Variants in THSD4 observed in about 807,000 individuals in gnomAD.
THSD4 encodes the protein thrombospondin type-1 domain-containing protein 4.
Under a neutral mutation model 119.0 loss-of-function variants are expected in THSD4, and 69 were observed. That is an observed-to-expected ratio of 0.58 (90% CI 0.48 to 0.71). The LOEUF (loss-of-function observed/expected upper bound fraction) is 0.71, where lower values mean the gene tolerates loss of function less well. THSD4 is among the 30% of genes least tolerant of loss of function. The pLI is 0.00. For synonymous variants in THSD4, 524 were observed against 540.4 expected (o/e 0.97, Z 0.42); for missense variants, 1,393 against 1,391.1 (o/e 1.00, Z -0.02).
At chr15:71,556,191 A>G (rs1156620013) in intron 7 of THSD4, among the ~76,000 whole-genome samples, 1 of 152,178 alleles carries the variant, frequency 6.6e-6, no homozygotes, top group East Asian at 1.9e-4. Context: ...AAGAATTTTT[A>G]TCAGTATTGT....
At chr15:71,567,985 C>G (rs1567041050) in intron 7 of THSD4, among the ~76,000 whole-genome samples, 1 of 152,178 alleles carries the variant, frequency 6.6e-6, no homozygotes, top group African/African-American at 2.4e-5. Context: ...CCTTCTGCCT[C>G]TCTTTCTTTG....
At chr15:71,688,872 C>T (rs1423195683) in intron 8 of THSD4, among the ~76,000 whole-genome samples, 1 of 151,978 alleles carries the variant, frequency 6.6e-6, no homozygotes, top group Admixed American at 6.5e-5. Context: ...CAATTATTTG[C>T]TTACTTTGAC....
chr15:71,269,342 C>G (rs1177111758), intron 6 of THSD4, among the ~76,000 whole-genome samples: 1 of 152,148 alleles, frequency 6.6e-6, no homozygotes, highest in African/African-American at 2.4e-5. Flanking sequence ...GAACCAATGA[C>G]AAAAACCACA....
intron 8 of THSD4, among the ~76,000 whole-genome samples, chr15:71,688,707 CTGTGTGTGTGTGTGTG>C (rs55653630): frequency 2.2e-5 from 3 of 133,486 alleles, no homozygotes; most frequent in African/African-American, 5.8e-5. Flanking sequence ...TTTTGTATCT[CTGTGTGTGTGTGTGTG>C]TGTGTGTGTG....
At chr15:71,618,823 C>T (rs1210434122) in intron 7 of THSD4, among the ~76,000 whole-genome samples, 2 of 152,050 alleles carry the variant, frequency 1.3e-5, no homozygotes, top group Non-Finnish European at 2.9e-5. Flanking sequence ...AGCGATCCGC[C>T]TGCCTCAGCC....
At chr15:71,232,100 T>G (rs906188373) in intron 4 of THSD4, among the ~76,000 whole-genome samples, 1 of 152,082 alleles carries the variant, frequency 6.6e-6, no homozygotes, top group Non-Finnish European at 1.5e-5. Context: ...ACGTTTCTGG[T>G]CCTCAGCTGC....
At chr15:71,272,045 G>C (rs1161919491) in intron 6 of THSD4, among the ~76,000 whole-genome samples, 2 of 152,092 alleles carry the variant, frequency 1.3e-5, no homozygotes, top group Non-Finnish European at 2.9e-5. Flanking sequence ...CGTCAGATCA[G>C]GGGCTCAAAT....
intron 1 of THSD4, among the ~76,000 whole-genome samples, chr15:71,133,237 T>C (rs1259228346): frequency 7.2e-5 from 11 of 152,140 alleles, no homozygotes; most frequent in Admixed American, 7.2e-4. Context: ...TGTTTATTTG[T>C]GTGTTGTGGT....
chr15:71,409,358 C>A (rs868199810), intron 6 of THSD4, among the ~76,000 whole-genome samples: 2 of 152,076 alleles, frequency 1.3e-5, no homozygotes, highest in Admixed American at 1.3e-4. Context: ...ATAGTTCTAG[C>A]GCTTCAGAAA....
intron 4 of THSD4, among the ~76,000 whole-genome samples, chr15:71,239,466 C>G (rs926722865): frequency 6.6e-6 from 1 of 152,130 alleles, no homozygotes; most frequent in African/African-American, 2.4e-5. Flanking sequence ...GATTCAAACC[C>G]CAGAAAGCTG....
intron 6 of THSD4, among the ~76,000 whole-genome samples, chr15:71,357,601 C>T (rs1306526789): frequency 6.6e-6 from 1 of 152,176 alleles, no homozygotes; most frequent in Admixed American, 6.5e-5. Context: ...TCCTGGCTCT[C>T]CCGCCTGCAG....
intron 14 of THSD4, among the ~76,000 whole-genome samples, chr15:71,749,872 G>T (rs1567135169): frequency 1.3e-5 from 2 of 151,820 alleles, no homozygotes; most frequent in African/African-American, 4.8e-5. Context: ...ACGTAGGTGG[G>T]ACTATAGGTG....
At chr15:71,391,330 C>T (rs2046376422) in intron 6 of THSD4, among the ~76,000 whole-genome samples, 1 of 151,962 alleles carries the variant, frequency 6.6e-6, no homozygotes, top group Non-Finnish European at 1.5e-5. Context: ...CGCCTGGCAA[C>T]TCATGCCGGC....
At position 71,703,254 on chromosome 15, in the gene THSD4, C is replaced by G. The variant is rs532236772; in HGVS notation, c.1358-25295C>G. Among the ~76,000 whole-genome samples, 19 of 152,302 alleles carry G rather than the reference C, an allele frequency of 1.2e-4. No individual in the cohort carries two copies. The South Asian group carries it at 3.1e-3, about 25-fold the overall frequency. ...CTTCCCAAAGTGCTGGGGTTATAGG[C>G]GTGAGCCACCACACTCGGCCAGGCT... On this transcript the variant is annotated intron_variant, in intron 8 of 17. Transcript: ENST00000261862.
At chr15:71,529,140 G>T (rs528713586) in intron 7 of THSD4, among the ~76,000 whole-genome samples, 1 of 152,224 alleles carries the variant, frequency 6.6e-6, no homozygotes, top group East Asian at 1.9e-4. Context: ...TGGAAACCAT[G>T]TATTGAGGGG....
chr15:71,714,005 T>C (rs1364905340), intron 8 of THSD4, among the ~76,000 whole-genome samples: 1 of 152,082 alleles, frequency 6.6e-6, no homozygotes, highest in Non-Finnish European at 1.5e-5. Context: ...CAAGCAGATA[T>C]GGGGTCAAGT....
chr15:71,429,359 C>T (rs2046913727), intron 7 of THSD4, among the ~76,000 whole-genome samples: 1 of 152,198 alleles, frequency 6.6e-6, no homozygotes, highest in African/African-American at 2.4e-5. Flanking sequence ...GCCCACAGAG[C>T]AGACAATGGG....
chr15:71,112,659 C>A (rs963082865), upstream of THSD4, among the ~76,000 whole-genome samples: 1 of 152,198 alleles, frequency 6.6e-6, no homozygotes, highest in East Asian at 1.9e-4. Flanking sequence ...TAAGCACAGG[C>A]TAGCCTTTGA....
intron 8 of THSD4, among the ~76,000 whole-genome samples, chr15:71,668,713 T>C (rs2051464053): frequency 6.6e-6 from 1 of 152,174 alleles, no homozygotes. Context: ...CTGTAGAACT[T>C]AGCCTTTTAA....
Sources: allele counts gnomAD v4.1 joint callset (sites outside exome capture counted in the v4.1 genomes callset), GRCh38; gene constraint gnomAD v4.1.1; transcripts MANE v1.5; gene names NCBI Gene and HGNC (gene_info 2026-07-23, HGNC 2026-07-21).